Variants in MTMR7 observed in about 807,000 individuals in gnomAD.
MTMR7 encodes the protein phosphatidylinositol-3-phosphate phosphatase MTMR7.
In MTMR7, 76 loss-of-function variants were observed where a neutral mutation model predicts 81.2. That is an observed-to-expected ratio of 0.94 (90% CI 0.78 to 1.13). MTMR7 has a LOEUF of 1.13. Ranked by LOEUF, MTMR7 falls within the 50% of genes most tolerant of loss-of-function variation. MTMR7 has a pLI of 0.00. For synonymous variants in MTMR7, 372 were observed against 289.8 expected (o/e 1.28, Z -2.88); for missense variants, 1,044 against 820.0 (o/e 1.27, Z -3.34).
chr8:17,311,442 G>C, intron 9 of MTMR7, 69 bp downstream of exon 9: 1 of 1,600,730 alleles, frequency 6.2e-7, no homozygotes, highest in Non-Finnish European at 8.5e-7. Context: ...GTTGCCAGTA[G>C]TTGTAAAAAC....
Position 17,299,270 on chromosome 8 carries a change from C to G in MTMR7, c.*592G>C, listed in dbSNP as rs1816941062. The stretch of plus-strand genomic sequence containing the variant: ...CTCAGAGAAAAGCAACAAAATTATT[C>G]TCACAATTCAAAATATATGCTCCAA... On this transcript the variant is annotated 3_prime_UTR_variant, in exon 14 of 14. Transcript: ENST00000180173. 1.3e-5 allele frequency: 2 copies of G among 152,190 alleles called. No individual in the cohort carries two copies. Among genetic ancestry groups the G allele is most frequent in the African/African-American group, 4.8e-5 (2 of 41,442 alleles). 9.4% of individuals were successfully genotyped at this position (152,190 alleles called of 1,614,324 possible).
chr8:17,316,594 G>T (rs1428880093), intron 7 of MTMR7, among the ~76,000 whole-genome samples: 1 of 151,958 alleles, frequency 6.6e-6, no homozygotes, highest in Non-Finnish European at 1.5e-5. Flanking sequence ...TTGGCCCTCT[G>T]TATTCTCGGG....
At chr8:17,342,669 A>G (rs1586222083) in intron 5 of MTMR7, among the ~76,000 whole-genome samples, 2 of 152,274 alleles carry the variant, frequency 1.3e-5, no homozygotes, top group East Asian at 3.9e-4. Flanking sequence ...GACATATTAC[A>G]GGGGCCATTG....
intron 5 of MTMR7, among the ~76,000 whole-genome samples, chr8:17,342,558 A>T (rs1054307085): frequency 1.3e-5 from 2 of 152,198 alleles, no homozygotes; most frequent in African/African-American, 4.8e-5. Context: ...AGGACAACTG[A>T]ACATGGGTTT....
chr8:17,330,545 C>T (rs142039318), intron 7 of MTMR7, among the ~76,000 whole-genome samples: 19 of 152,334 alleles, frequency 1.2e-4, no homozygotes, highest in African/African-American at 4.3e-4. Flanking sequence ...GGCTGGTTGG[C>T]CACATGAATA....
chr8:17,303,413 T>C (rs1324606730), intron 12 of MTMR7, among the ~76,000 whole-genome samples: 1 of 152,160 alleles, frequency 6.6e-6, no homozygotes, highest in Non-Finnish European at 1.5e-5. Context: ...CAAGTCTGTG[T>C]CGGGAGTGAG....
intron 1 of MTMR7, among the ~76,000 whole-genome samples, chr8:17,378,050 G>C (rs1282741600): frequency 1.3e-5 from 2 of 152,184 alleles, no homozygotes; most frequent in Non-Finnish European, 2.9e-5. Flanking sequence ...GAAAAGCTCA[G>C]TGGAGCAGAA....
chr8:17,370,677 C>T (rs1820391304), intron 3 of MTMR7, among the ~76,000 whole-genome samples: 1 of 150,528 alleles, frequency 6.6e-6, no homozygotes, highest in Non-Finnish European at 1.5e-5. Flanking sequence ...ATTTTCCACA[C>T]AAAACAACTG....
At chr8:17,358,684 G>A (rs79097031) in intron 4 of MTMR7, among the ~76,000 whole-genome samples, 2,105 of 152,024 alleles carry the variant, frequency 0.014, 47 homozygotes, top group East Asian at 0.071. Flanking sequence ...GCAATATAAG[G>A]GACTAGAAAC....
intron 1 of MTMR7, among the ~76,000 whole-genome samples, chr8:17,405,967 T>C (rs980770536): frequency 3.8e-5 from 5 of 130,792 alleles, no homozygotes; most frequent in African/African-American, 1.3e-4. Context: ...GCATTTTTTC[T>C]GGATTTATGC....
intron 5 of MTMR7, among the ~76,000 whole-genome samples, chr8:17,343,456 C>A (rs1416125514): frequency 6.6e-6 from 1 of 151,996 alleles, no homozygotes; most frequent in South Asian, 2.1e-4. Context: ...TAGTTAAGGA[C>A]AGCTGCCACC....
intron 1 of MTMR7, among the ~76,000 whole-genome samples, chr8:17,409,283 A>AC (rs1821677475): frequency 6.6e-6 from 1 of 152,076 alleles, no homozygotes; most frequent in African/African-American, 2.4e-5. Flanking sequence ...ACATAGTGAA[A>AC]CCCCTGTCTC....
intron 2 of MTMR7, among the ~76,000 whole-genome samples, chr8:17,372,801 G>C (rs1820459307): frequency 6.6e-6 from 1 of 152,072 alleles, no homozygotes; most frequent in African/African-American, 2.4e-5. Flanking sequence ...TGGAGCACTG[G>C]AGGATGACAA....
intron 3 of MTMR7, among the ~76,000 whole-genome samples, chr8:17,370,648 G>C (rs746063576): frequency 1.3e-5 from 2 of 149,804 alleles, no homozygotes; most frequent in Non-Finnish European, 3.0e-5. Flanking sequence ...AGAAAACTGC[G>C]CTAGAACTGT....
chr8:17,391,802 G>A lies in MTMR7; in HGVS notation c.25-18562C>T, dbSNP rs1045457531. 2.6e-5 allele frequency among the ~76,000 whole-genome samples: 4 copies of A among 152,160 alleles called. No homozygotes were observed. The East Asian group carries it at 7.7e-4, about 29-fold the overall frequency. ...TTAATAAATGAAAAAGAGGAGAAAA[G>A]TAAACATACAATTTTTATAAAGTTG... On this transcript the variant is annotated intron_variant, in intron 1 of 13. Transcript: ENST00000180173.
chr8:17,341,329 G>A, intron 6 of MTMR7, 34 bp downstream of exon 6: 1 of 1,611,878 alleles, frequency 6.2e-7, no homozygotes, highest in Non-Finnish European at 8.5e-7. Context: ...CACAACTCAG[G>A]TGCAAAGACA....
intron 6 of MTMR7, among the ~76,000 whole-genome samples, chr8:17,337,510 C>T (rs1294398566): frequency 6.6e-6 from 1 of 152,194 alleles, no homozygotes; most frequent in Non-Finnish European, 1.5e-5. Context: ...TTCATATGTT[C>T]TTAAAGCGCC....
intron 4 of MTMR7, among the ~76,000 whole-genome samples, chr8:17,360,754 TC>T (rs1163178472): frequency 6.6e-6 from 1 of 151,986 alleles, no homozygotes; most frequent in Non-Finnish European, 1.5e-5. Flanking sequence ...CTTCAGAGTC[TC>T]CCTGACTTGC....
chr8:17,342,108 A>T (rs919075808), intron 5 of MTMR7, among the ~76,000 whole-genome samples: 1 of 152,102 alleles, frequency 6.6e-6, no homozygotes, highest in Non-Finnish European at 1.5e-5. Context: ...TTTGGAATCA[A>T]TCTGCATTCT....
Sources: allele counts gnomAD v4.1 joint callset (sites outside exome capture counted in the v4.1 genomes callset), GRCh38; gene constraint gnomAD v4.1.1; transcripts MANE v1.5; gene names NCBI Gene and HGNC (gene_info 2026-07-23, HGNC 2026-07-21).